Variants in DGKG observed in about 807,000 individuals in gnomAD.
DGKG encodes the protein DAG kinase gamma.
A neutral mutation model predicts 105.3 loss-of-function variants in DGKG; 78 were observed. The ratio of observed to expected loss-of-function variants is 0.74; its 90% confidence interval spans 0.62 to 0.89. DGKG has a LOEUF of 0.89. Ranked by LOEUF, DGKG falls within the 40% of genes least tolerant of loss-of-function variation. The probability of loss-of-function intolerance (pLI) is 0.00; values close to 1 mark genes in which losing one functional copy is unlikely to be tolerated. For synonymous variants in DGKG, 346 were observed against 367.1 expected, an observed-to-expected ratio of 0.94 and a Z score of 0.66; for missense variants, 958 against 1,020.1, an observed-to-expected ratio of 0.94 and a Z score of 0.83.
chr3:186,177,266 A>G (rs1447099332), intron 22 of DGKG, among the ~76,000 whole-genome samples: 1 of 152,200 alleles, frequency 6.6e-6, no homozygotes, highest in East Asian at 1.9e-4. Flanking sequence ...AAACTCCATG[A>G]ACAGTCTCCA....
rs554477836 is a variant in DGKG, at chr3:186,253,456, A to C, written c.1511-274T>G. Among the ~76,000 whole-genome samples, 3 of 152,242 alleles carry C rather than the reference A, an allele frequency of 2.0e-5. No individual in the cohort carries two copies. In the East Asian group the frequency reaches 5.8e-4, roughly 29 times the overall value. On this transcript the variant is annotated intron_variant, in intron 17 of 24. Coordinates refer to ENST00000265022, the MANE Select transcript of DGKG (RefSeq NM_001346.3). The stretch of plus-strand genomic sequence containing the variant: ...ATATGTTTATTCAAATTTCATCCTA[A>C]ATCTGTCCTTTGGGGTGGCAGCATA...
At position 186,150,028 on chromosome 3, in the gene DGKG, TGTGA is replaced by T; in HGVS notation, c.*58_*61del. The T allele has an allele frequency of 1.3e-6, 2 of 1,563,322 alleles. No homozygotes were observed. Among genetic ancestry groups the T allele is most frequent in the Non-Finnish European group, 1.7e-6 (2 of 1,153,050 alleles). The stretch of plus-strand genomic sequence containing the variant: ...TGTGTGAGTGTGCACATAAATTGTG[TGTGA>T]GTGTGCATTATAGTTTCTTGCTTTC... On this transcript the variant is annotated 3_prime_UTR_variant, in exon 25 of 25. Coordinates refer to ENST00000265022, the MANE Select transcript of DGKG (RefSeq NM_001346.3).
intron 22 of DGKG, among the ~76,000 whole-genome samples, chr3:186,171,234 C>A (rs1006203198): frequency 6.6e-6 from 1 of 152,166 alleles, no homozygotes; most frequent in Non-Finnish European, 1.5e-5. Context: ...TCTCTAGCAA[C>A]TAGACCAGCC....
chr3:186,304,033 G>T (rs148553210), intron 3 of DGKG, among the ~76,000 whole-genome samples: 124 of 152,330 alleles, frequency 8.1e-4, no homozygotes, highest in African/African-American at 2.8e-3. Context: ...ACCCAGCAGT[G>T]CCTGGCATTA....
At chr3:186,353,696 A>G (rs1420109646) in intron 1 of DGKG, among the ~76,000 whole-genome samples, 2 of 136,424 alleles carry the variant, frequency 1.5e-5, no homozygotes, top group African/African-American at 6.2e-5. Context: ...ATCTATATCT[A>G]TATCTATATA....
In DGKG at chr3:186,147,513, C is replaced by A. The variant is rs148438356; in HGVS notation, c.*2577G>T. Reference sequence around the variant, plus strand: ...TGCAAGGCACGATTAAACAACAACACAAGATTTACTAAGGTTACCAAACTG... The same window carrying A: ...TGCAAGGCACGATTAAACAACAACAAAAGATTTACTAAGGTTACCAAACTG... On this transcript the variant is annotated 3_prime_UTR_variant, in exon 25 of 25. Transcript: ENST00000265022. 1.8e-5 allele frequency: 18 copies of A among 985,236 alleles called. No homozygotes were observed. Among genetic ancestry groups the A allele is most frequent in the Non-Finnish European group, 2.2e-5 (18 of 829,880 alleles). The allele number at this position is 985,236 out of a possible 1,614,324, so 61.0% of individuals were successfully genotyped here.
At chr3:186,161,224 G>A in intron 24 of DGKG, 4 of 1,001,542 alleles carry the variant, frequency 4.0e-6, no homozygotes, top group South Asian at 4.3e-5. Flanking sequence ...GAAGCAATTT[G>A]ACTTGTTCAT....
rs1422187559 is a variant in DGKG at position 186,148,864 on chromosome 3, G to A, written c.*1226C>T. On this transcript the variant is annotated 3_prime_UTR_variant, in exon 25 of 25. Coordinates refer to ENST00000265022, the MANE Select transcript of DGKG (RefSeq NM_001346.3). ...TCCTGACAATGAAACGGTGGAGTGG[G>A]GGAGTGAGAACCTTCTTTTTCCTTA... 3 of 984,674 alleles carry A rather than the reference G, an allele frequency of 3.0e-6. No individual in the cohort carries two copies. Among genetic ancestry groups the A allele is most frequent in the African/African-American group, 1.8e-5 (1 of 57,014 alleles). 61.0% of individuals were successfully genotyped at this position (984,674 alleles called of 1,614,324 possible).
intron 20 of DGKG, among the ~76,000 whole-genome samples, chr3:186,213,575 C>T (rs533252141): frequency 6.6e-6 from 1 of 152,342 alleles, no homozygotes; most frequent in Admixed American, 6.5e-5. Flanking sequence ...ATCTTCAGTG[C>T]TGCTGGTCCA....
Position 186,330,486 on chromosome 3 carries a change from G to A in DGKG, c.-248-9779C>T, listed in dbSNP as rs182491555. On this transcript the variant is annotated intron_variant, in intron 1 of 24. Coordinates refer to ENST00000265022, the MANE Select transcript of DGKG (RefSeq NM_001346.3). ...TAACCAAGAGAGTGCATTAGAAGTG[G>A]TGCTGTGCCTGTGTCAAGCATAAGC... 7.2e-5 allele frequency among the ~76,000 whole-genome samples: 11 copies of A among 152,300 alleles called. 1 individual carries two copies. The highest frequency in any genetic ancestry group is 6.8e-3 in the Middle Eastern group (2 of 294).
chr3:186,297,425 A>G lies in DGKG; in HGVS notation c.369T>C (p.Asp123=), dbSNP rs1254802471. The change falls in exon 5 of 25, where the codon GAT becomes GAC. Residue 123 remains aspartate (D), a synonymous_variant. Coordinates refer to ENST00000265022, the MANE Select transcript of DGKG (RefSeq NM_001346.3). ...ATKADEACAP[D]TESNMAEKQA... ...TCTTATATTCCAAAGACTTACCAGTATCAGGGGCACAGGCCTCGTCTGCTT... is the reference window on the plus strand; with the variant it reads ...TCTTATATTCCAAAGACTTACCAGTGTCAGGGGCACAGGCCTCGTCTGCTT... The G allele has an allele frequency of 1.3e-5, 21 of 1,610,394 alleles. No individual in the cohort carries two copies. In the Admixed American group the frequency reaches 2.5e-4, roughly 19 times the overall value.
chr3:186,241,193 G>C (rs1720668550), intron 20 of DGKG, among the ~76,000 whole-genome samples: 1 of 152,154 alleles, frequency 6.6e-6, no homozygotes, highest in Admixed American at 6.6e-5. Context: ...AGGACAAAGA[G>C]TAGGAATGAA....
Position 186,147,421 on chromosome 3 carries a change from T to C in DGKG, c.*2669A>G, listed in dbSNP as rs914000325. 1.2e-5 allele frequency: 12 copies of C among 983,390 alleles called. No homozygotes were observed. Among genetic ancestry groups the C allele is most frequent in the Non-Finnish European group, 1.3e-5 (11 of 827,934 alleles). 60.9% of individuals were successfully genotyped at this position (983,390 alleles called of 1,614,324 possible). ...CTTCTCTGCTAACCTCAGAGGTTGC[T>C]ATGAGGGTCACTATGATGAGGGACT... On this transcript the variant is annotated 3_prime_UTR_variant, in exon 25 of 25. Transcript: ENST00000265022.
chr3:186,228,644 A>T (rs559743807), intron 20 of DGKG, among the ~76,000 whole-genome samples: 1 of 152,142 alleles, frequency 6.6e-6, no homozygotes, highest in African/African-American at 2.4e-5. Context: ...CTCACACTTC[A>T]GCCCTTCTCC....
chr3:186,359,170 T>G (rs1160056214), intron 1 of DGKG, among the ~76,000 whole-genome samples: 2 of 152,124 alleles, frequency 1.3e-5, no homozygotes, highest in Non-Finnish European at 2.9e-5. Flanking sequence ...GGCCGAGTTG[T>G]TTCTGGTGAA....
chr3:186,251,237 T>C (rs1363334557), intron 19 of DGKG, among the ~76,000 whole-genome samples: 3 of 152,172 alleles, frequency 2.0e-5, no homozygotes, highest in Non-Finnish European at 4.4e-5. Context: ...AGGGGTCAGC[T>C]GGGAGGAGAC....
chr3:186,337,385 A>C (rs2108657122), intron 1 of DGKG, among the ~76,000 whole-genome samples: 1 of 152,246 alleles, frequency 6.6e-6, no homozygotes, highest in African/African-American at 2.4e-5. Flanking sequence ...AATTAACAAA[A>C]TTCAACACTG....
At chr3:186,358,874 T>G (rs1360170459) in intron 1 of DGKG, among the ~76,000 whole-genome samples, 1 of 152,234 alleles carries the variant, frequency 6.6e-6, no homozygotes, top group Non-Finnish European at 1.5e-5. Flanking sequence ...ATGACTTGTA[T>G]GGAGAAGTGG....
At chr3:186,352,649 C>A (rs1453688752) in intron 1 of DGKG, among the ~76,000 whole-genome samples, 1 of 152,128 alleles carries the variant, frequency 6.6e-6, no homozygotes, top group Non-Finnish European at 1.5e-5. Flanking sequence ...TGGTGGCCAC[C>A]TTTGGCTTCT....
Sources: gnomAD v4.1 joint callset for allele counts (sites outside exome capture counted in the v4.1 genomes callset) on GRCh38, gnomAD v4.1.1 for gene constraint, MANE v1.5 for transcripts, NCBI Gene and HGNC (gene_info 2026-07-23, HGNC 2026-07-21) for gene names.